The following EPHB2 variants were observed in gnomAD, a reference collection of about 807,000 sequenced individuals.
The protein encoded by EPHB2 is EPH receptor B2, also known as ephrin type-B receptor 2.
EPHB2 carries 18 observed loss-of-function variants against 96.4 expected under a neutral mutation model. The observed-to-expected ratio is 0.19, with a 90% CI of 0.13 to 0.28. The LOEUF is 0.28. Among genes scored for constraint, EPHB2 ranks in the 10% least tolerant of loss-of-function variants. EPHB2 has a pLI of 1.00. For synonymous variants in EPHB2, 506 were observed against 534.1 expected, an observed-to-expected ratio of 0.95 and a Z score of 0.72; for missense variants, 989 against 1,355.4, an observed-to-expected ratio of 0.73 and a Z score of 4.25.
At chr1:22,728,423 G>A (rs1334222554) in intron 1 of EPHB2, among the ~76,000 whole-genome samples, 3 of 152,222 alleles carry the variant, frequency 2.0e-5, no homozygotes, top group African/African-American at 7.2e-5. Context: ...TGACTTACTC[G>A]TGGTCACACA....
intron 3 of EPHB2, among the ~76,000 whole-genome samples, chr1:22,838,962 AG>A (rs1403541812): frequency 6.6e-6 from 1 of 152,032 alleles, no homozygotes; most frequent in Non-Finnish European, 1.5e-5. Flanking sequence ...AAAGAAAAAA[AG>A]AAAAAAAGAA....
chr1:22,769,828 G>A (rs954514702), intron 1 of EPHB2, among the ~76,000 whole-genome samples: 6 of 152,268 alleles, frequency 3.9e-5, no homozygotes, highest in African/African-American at 1.2e-4. Flanking sequence ...GTGAATGGAT[G>A]GACAGGTAAA....
intron 3 of EPHB2, among the ~76,000 whole-genome samples, chr1:22,812,845 G>A (rs1385903789): frequency 6.6e-6 from 1 of 152,174 alleles, no homozygotes; most frequent in Non-Finnish European, 1.5e-5. Flanking sequence ...AGTTTGATGA[G>A]TGTTGGTAGA....
intron 6 of EPHB2, among the ~76,000 whole-genome samples, chr1:22,883,136 G>A (rs913024443): frequency 2.6e-5 from 4 of 152,234 alleles, no homozygotes; most frequent in African/African-American, 9.6e-5. Context: ...TTCTCCCTCT[G>A]AACCTCAGTT....
At chr1:22,711,212 CGCGGGCGCCCGGGGAGCG>C (rs1643129499) in intron 1 of EPHB2, among the ~76,000 whole-genome samples, 169 bp downstream of exon 1, 1 of 146,388 alleles carries the variant, frequency 6.8e-6, no homozygotes, top group Non-Finnish European at 1.5e-5. Flanking sequence ...GAGCGGGCCC[CGCGGGCGCCCGGGGAGCG>C]GCGGGCGCTG....
Position 22,898,833 on chromosome 1 carries a change from G to A in EPHB2, c.1765+2355G>A, listed in dbSNP as rs1191112339. Among the ~76,000 whole-genome samples the A allele has an allele frequency of 3.3e-5, 5 of 152,316 alleles. 1 individual carries two copies. The highest frequency in any genetic ancestry group is 3.4e-3 in the Middle Eastern group (1 of 294). ...TTGCTGCAGGACTGGATGTGGATAC[G>A]TAAGAATGAGCAGAGTCTAGGAGCT... On this transcript the variant is annotated intron_variant, in intron 9 of 15. Coordinates refer to ENST00000374630, the MANE Select transcript of EPHB2 (RefSeq NM_017449.5).
rs1553167209 is a variant in EPHB2 at position 22,818,077 on chromosome 1, TTAGACACTTAACCTCTCTGATCCTTA to T, written c.811+33002_811+33027del. Among the ~76,000 whole-genome samples, 784 of 152,280 alleles carry T rather than the reference TTAGACACTTAACCTCTCTGATCCTTA, an allele frequency of 5.1e-3. 38 individuals are homozygous for T. In the East Asian group the frequency reaches 0.12, roughly 24 times the overall value. On this transcript the variant is annotated intron_variant, in intron 3 of 15. Coordinates refer to ENST00000374630, the MANE Select transcript of EPHB2 (RefSeq NM_017449.5). Reference sequence around the variant, plus strand: ...CCCCTGCCTTCTGTGTCATCTGGGCTTAGACACTTAACCTCTCTGATCCTTAGTCTGTCGCTTCCCTTACTACAGCT... The same window carrying T: ...CCCCTGCCTTCTGTGTCATCTGGGCTGTCTGTCGCTTCCCTTACTACAGCT...
intron 4 of EPHB2, among the ~76,000 whole-genome samples, chr1:22,864,235 C>T (rs1194940143): frequency 2.0e-5 from 3 of 152,110 alleles, no homozygotes; most frequent in East Asian, 1.9e-4. Context: ...TTAGTAGAGA[C>T]GGGGTTTCCT....
chr1:22,810,987 G>T (rs561100977), intron 3 of EPHB2, among the ~76,000 whole-genome samples: 6 of 152,248 alleles, frequency 3.9e-5, no homozygotes, highest in African/African-American at 1.4e-4. Flanking sequence ...CTTGGAGTGA[G>T]GTGTCAAGGA....
intron 9 of EPHB2, among the ~76,000 whole-genome samples, chr1:22,905,492 G>GC (rs1216687794): frequency 6.6e-6 from 1 of 152,094 alleles, no homozygotes; most frequent in Non-Finnish European, 1.5e-5. Context: ...CTTGAATTAG[G>GC]CCTGGAGAGA....
chr1:22,802,117 AG>A (rs1167155444), intron 3 of EPHB2, among the ~76,000 whole-genome samples: 2 of 150,758 alleles, frequency 1.3e-5, no homozygotes, highest in Non-Finnish European at 3.0e-5. Context: ...AGAGTGGAGG[AG>A]GGGGCCCGCC....
chr1:22,784,815 T>C lies in EPHB2; in HGVS notation c.550T>C (p.Cys184Arg), dbSNP rs1369878562. ...CCTGGCCTTCCAGGACTATGGCGGC[T>C]GCATGTCCCTCATCGCCGTGCGTGT... The part of the protein sequence containing the change: ...FYLAFQDYGG[C>R]MSLIAVRVFY... The change falls in exon 3 of 16, where the codon TGC becomes CGC. Residue 184 changes from cysteine to arginine, a missense_variant. By Grantham distance (180) the Cys-to-Arg change is radical. Transcript: ENST00000374630. This position sits in a 1 kb window ranked among gnomAD's most constrained non-coding sequence, Gnocchi z 5.1. 6.2e-7 allele frequency: 1 copy of C among 1,602,124 alleles called. No homozygotes were observed. Among genetic ancestry groups the C allele is most frequent in the East Asian group, 2.2e-5 (1 of 44,738 alleles).
At chr1:22,717,593 C>T (rs747403439) in intron 1 of EPHB2, among the ~76,000 whole-genome samples, 5 of 152,168 alleles carry the variant, frequency 3.3e-5, no homozygotes, top group African/African-American at 7.2e-5. Context: ...GAGAATACCG[C>T]GCATGTGTCA....
At chr1:22,837,555 C>T (rs1645403128) in intron 3 of EPHB2, among the ~76,000 whole-genome samples, 1 of 152,162 alleles carries the variant, frequency 6.6e-6, no homozygotes, top group South Asian at 2.1e-4. Context: ...CCCAGAGTTG[C>T]ACATTGTTTA....
chr1:22,810,107 G>A (rs1160561405), intron 3 of EPHB2, among the ~76,000 whole-genome samples: 2 of 152,200 alleles, frequency 1.3e-5, no homozygotes, highest in Non-Finnish European at 2.9e-5. Flanking sequence ...AGTTCAGCCT[G>A]ATGGGGTGTT....
rs182491605 is a variant in EPHB2 at position 22,719,928 on chromosome 1, G to A, written c.61+8885G>A. On this transcript the variant is annotated intron_variant, in intron 1 of 15. Transcript: ENST00000374630. ...GTTGTCCTGATTCAGTGGATTGGCT[G>A]GGCTCAGCTGGGTGCTTATTCTGTT... Among the ~76,000 whole-genome samples the A allele has an allele frequency of 7.9e-5, 12 of 152,310 alleles. No individual in the cohort carries two copies. The East Asian group carries it at 1.7e-3, about 22-fold the overall frequency.
At chr1:22,844,008 T>C (rs549238942) in intron 3 of EPHB2, among the ~76,000 whole-genome samples, 1 of 152,388 alleles carries the variant, frequency 6.6e-6, no homozygotes, top group South Asian at 2.1e-4. Flanking sequence ...TAGTATTCCA[T>C]GGTGTATATG....
At chr1:22,813,525 A>G (rs2817871) in intron 3 of EPHB2, among the ~76,000 whole-genome samples, 151,988 of 152,356 alleles carry the variant, frequency 1, 75,811 homozygotes, top group Middle Eastern at 1. Flanking sequence ...CCTCGAGATG[A>G]GCAGCTGAGG....
rs309494 is a variant in EPHB2, at chr1:22,916,136, T to G, written c.*2566T>G. 14 of 152,238 alleles carry G rather than the reference T, an allele frequency of 9.2e-5. No homozygotes were observed. Among genetic ancestry groups the G allele is most frequent in the African/African-American group, 3.4e-4 (14 of 41,528 alleles). 9.4% of individuals were successfully genotyped at this position (152,238 alleles called of 1,614,324 possible). ...TTCACTTTGTGCCCCAAAGGTGCCC[T>G]GCGCGGGTGGCAGCTGTCTCGGCAC... is the stretch of plus-strand genomic sequence containing the variant. On this transcript the variant is annotated 3_prime_UTR_variant, in exon 16 of 16. Transcript: ENST00000374630. This position sits in a 1 kb window ranked among gnomAD's most constrained non-coding sequence, Gnocchi z 4.2.
Sources: gnomAD v4.1 joint callset for allele counts (sites outside exome capture counted in the v4.1 genomes callset) on GRCh38, gnomAD v4.1.1 for gene constraint, Gnocchi (gnomAD v3.1) non-coding constraint, MANE v1.5 for transcripts, NCBI Gene and HGNC (gene_info 2026-07-23, HGNC 2026-07-21) for gene names.